Variants in MDGA2 observed in about 807,000 individuals in gnomAD.
MDGA2 encodes MAM domain-containing glycosylphosphatidylinositol anchor protein 2.
In MDGA2, 40 loss-of-function variants were observed where a neutral mutation model predicts 117.8. The observed-to-expected ratio is 0.34, with a 90% CI of 0.26 to 0.44. MDGA2 has a LOEUF of 0.44. MDGA2 is among the 20% of genes least tolerant of loss of function. MDGA2 has a pLI of 1.00. For missense variants in MDGA2, 1,123 were observed against 1,250.6 expected (o/e 0.90, Z 1.54); for synonymous variants, 452 against 439.0 (o/e 1.03, Z -0.37).
intron 8 of MDGA2, among the ~76,000 whole-genome samples, chr14:46,987,945 T>C (rs1030345203): frequency 6.7e-6 from 1 of 149,922 alleles, no homozygotes; most frequent in Non-Finnish European, 1.5e-5. Flanking sequence ...GGTGCGCGCG[T>C]GTGTGTATGT....
At chr14:47,647,618 G>A (rs1269750872) in intron 1 of MDGA2, among the ~76,000 whole-genome samples, 3 of 152,088 alleles carry the variant, frequency 2.0e-5, no homozygotes, top group Non-Finnish European at 2.9e-5. Context: ...CATTACCCAT[G>A]TTGATACTTA....
intron 1 of MDGA2, among the ~76,000 whole-genome samples, chr14:47,530,841 T>C (rs928935284): frequency 1.3e-5 from 2 of 152,220 alleles, no homozygotes; most frequent in African/African-American, 4.8e-5. Flanking sequence ...ATCAAAATGA[T>C]AGGTAAAATA....
chr14:47,664,705 C>A (rs916981243), intron 1 of MDGA2, among the ~76,000 whole-genome samples: 1 of 152,186 alleles, frequency 6.6e-6, no homozygotes, highest in Non-Finnish European at 1.5e-5. Context: ...AAGGGCAATG[C>A]CTTCATCCCA....
At chr14:46,975,285 AGTT>A (rs1886413190) in intron 8 of MDGA2, among the ~76,000 whole-genome samples, 1 of 152,122 alleles carries the variant, frequency 6.6e-6, no homozygotes, top group Non-Finnish European at 1.5e-5. Context: ...AAAACAGTAT[AGTT>A]GTTTCTCACA....
At chr14:47,578,703 T>C (rs1197112858) in intron 1 of MDGA2, among the ~76,000 whole-genome samples, 5 of 152,134 alleles carry the variant, frequency 3.3e-5, no homozygotes, top group Non-Finnish European at 5.9e-5. Flanking sequence ...TACTGACTTA[T>C]TAAGTTCTTT....
At chr14:46,930,103 C>T (rs1030707577) in intron 9 of MDGA2, among the ~76,000 whole-genome samples, 1 of 116,752 alleles carries the variant, frequency 8.6e-6, no homozygotes, top group Non-Finnish European at 1.9e-5. Context: ...GAGTATGCAA[C>T]ACCCAAAGAA....
chr14:47,343,121 C>A (rs753875453), intron 1 of MDGA2: 5 of 1,228,374 alleles, frequency 4.1e-6, no homozygotes, highest in South Asian at 1.4e-5. Context: ...ATGCTCGAGG[C>A]ACACAATAAT....
intron 6 of MDGA2, among the ~76,000 whole-genome samples, chr14:47,083,119 A>G (rs1890768700): frequency 1.3e-5 from 2 of 151,970 alleles, no homozygotes; most frequent in South Asian, 4.1e-4. Flanking sequence ...GAAAAATTAA[A>G]TTAATGAAAG....
rs145964464 is a variant in MDGA2 at position 47,661,687 on chromosome 14, T to C, written c.280+12830A>G. On this transcript the variant is annotated intron_variant, in intron 1 of 16. Transcript: ENST00000399232. ...GAATAAACTGCACATGCATTGCTGT[T>C]AGGCAGCTAAGAAATATTTCTCTTT... Among the ~76,000 whole-genome samples, 542 of 151,708 alleles carry C rather than the reference T, an allele frequency of 3.6e-3. 3 individuals carry two copies. Among genetic ancestry groups the C allele is most frequent in the African/African-American group, 0.012 (514 of 41,390 alleles).
At chr14:47,145,233 C>G (rs1299452026) in intron 3 of MDGA2, among the ~76,000 whole-genome samples, 5 of 152,098 alleles carry the variant, frequency 3.3e-5, no homozygotes. Context: ...TCAGCATTTT[C>G]TGAAAAAGGT....
rs1191851147 is a variant in MDGA2 at position 47,561,151 on chromosome 14, TTGTTTTGTTTTGTTTTTTTGTTTGTTTG to T, written c.280+113338_280+113365del. Among the ~76,000 whole-genome samples the T allele has an allele frequency of 5.4e-4, 51 of 93,802 alleles. 5 individuals are homozygous for T. The highest frequency in any genetic ancestry group is 1.1e-3 in the Admixed American group (9 of 7,970). The allele number at this position is 93,802 out of a possible 152,430, so 61.5% of individuals were successfully genotyped here. ...GATACCTCTATCTTTGTTTTTTTTT[TTGTTTTGTTTTGTTTTTTTGTTTGTTTG>T]TTTTTTTTTGCTTAGGATTGCCTTA... On this transcript the variant is annotated intron_variant, in intron 1 of 16. Transcript: ENST00000399232.
intron 1 of MDGA2, among the ~76,000 whole-genome samples, chr14:47,451,391 C>T (rs1214702952): frequency 6.6e-6 from 1 of 151,896 alleles, no homozygotes; most frequent in Non-Finnish European, 1.5e-5. Flanking sequence ...TGCTCATTTC[C>T]AACATATATA....
In MDGA2 at chr14:47,628,960, T is replaced by C. The variant is rs544914358; in HGVS notation, c.280+45557A>G. Among the ~76,000 whole-genome samples the C allele has an allele frequency of 5.3e-5, 8 of 152,332 alleles. No individual in the cohort carries two copies. The South Asian group carries it at 1.7e-3, about 32-fold the overall frequency. On this transcript the variant is annotated intron_variant, in intron 1 of 16. Coordinates refer to ENST00000399232, the MANE Select transcript of MDGA2 (RefSeq NM_001113498.3). ...GCCATCCCACCTCCAGAACTCTCCATGGAGTACACAGAGGCTGTCACAGGC... is the reference window on the plus strand; with the variant it reads ...GCCATCCCACCTCCAGAACTCTCCACGGAGTACACAGAGGCTGTCACAGGC...
At position 46,993,854 on chromosome 14, in the gene MDGA2, G is replaced by A. The variant is rs557225088; in HGVS notation, c.1820-36211C>T. ...ACTATGTAGTATAAGATTTTGTCTT[G>A]CCCAAAGAAAGGTATTGCCTTTGTA... On this transcript the variant is annotated intron_variant, in intron 8 of 16. Coordinates refer to ENST00000399232, the MANE Select transcript of MDGA2 (RefSeq NM_001113498.3). Among the ~76,000 whole-genome samples, 4 of 152,128 alleles carry A rather than the reference G, an allele frequency of 2.6e-5. No homozygotes were observed. In the East Asian group the frequency reaches 7.7e-4, roughly 29 times the overall value.
intron 9 of MDGA2, among the ~76,000 whole-genome samples, chr14:46,943,368 T>C (rs1456241868): frequency 1.3e-5 from 2 of 152,034 alleles, no homozygotes; most frequent in Non-Finnish European, 2.9e-5. Context: ...TGACAGCTAA[T>C]TGGAATCTTA....
intron 1 of MDGA2, among the ~76,000 whole-genome samples, chr14:47,326,579 G>T (rs895900245): frequency 1.3e-5 from 2 of 151,896 alleles, no homozygotes; most frequent in Non-Finnish European, 2.9e-5. Flanking sequence ...GAATGTTTCT[G>T]CCTTCAGTTT....
intron 5 of MDGA2, among the ~76,000 whole-genome samples, chr14:47,122,209 C>T (rs2031651): frequency 6.6e-6 from 1 of 152,016 alleles, no homozygotes; most frequent in Admixed American, 6.6e-5. Context: ...AAAGCAAATT[C>T]ACAGAGTTGA....
At chr14:47,514,448 A>C (rs1048953528) in intron 1 of MDGA2, among the ~76,000 whole-genome samples, 1 of 152,094 alleles carries the variant, frequency 6.6e-6, no homozygotes, top group African/African-American at 2.4e-5. Context: ...TTGGAGAAGG[A>C]GGGGTATTTA....
chr14:47,258,276 T>C (rs1052602453), intron 2 of MDGA2, among the ~76,000 whole-genome samples: 1 of 152,090 alleles, frequency 6.6e-6, no homozygotes, highest in Non-Finnish European at 1.5e-5. Flanking sequence ...AGAGGTTTAA[T>C]TGGCTAACAG....
Sources: gnomAD v4.1 joint callset for allele counts (sites outside exome capture counted in the v4.1 genomes callset) on GRCh38, gnomAD v4.1.1 for gene constraint, MANE v1.5 for transcripts, NCBI Gene and HGNC (gene_info 2026-07-23, HGNC 2026-07-21) for gene names.